Variants in RAB3C observed in about 807,000 individuals in gnomAD.
The protein encoded by RAB3C is ras-related protein Rab-3C.
Under a neutral mutation model 26.4 loss-of-function variants are expected in RAB3C, and 17 were observed. That is an observed-to-expected ratio of 0.64 (90% CI 0.44 to 0.97). The LOEUF (loss-of-function observed/expected upper bound fraction) is 0.97. Ranked by LOEUF, RAB3C falls within the 50% of genes least tolerant of loss-of-function variation. The pLI is 0.00. For synonymous variants in RAB3C, 91 were observed against 95.9 expected (o/e 0.95, Z 0.30); for missense variants, 242 against 281.9 (o/e 0.86, Z 1.01).
intron 1 of RAB3C, among the ~76,000 whole-genome samples, chr5:58,613,585 TA>T (rs1561266888): frequency 6.6e-6 from 1 of 152,006 alleles, no homozygotes; most frequent in South Asian, 2.1e-4. Context: ...GACACTTTCA[TA>T]AAAAAATAAG....
At chr5:58,843,621 G>C (rs993265558) in intron 4 of RAB3C, among the ~76,000 whole-genome samples, 2 of 152,176 alleles carry the variant, frequency 1.3e-5, no homozygotes, top group African/African-American at 4.8e-5. Context: ...TCTTAGTTCA[G>C]GTGTTGAAGT....
intron 2 of RAB3C, among the ~76,000 whole-genome samples, chr5:58,639,180 C>T (rs1238788944): frequency 1.3e-5 from 2 of 152,190 alleles, no homozygotes; most frequent in Non-Finnish European, 2.9e-5. Flanking sequence ...CTGAAACACC[C>T]TTGCTCATTG....
chr5:58,627,534 G>A (rs1054669700), intron 2 of RAB3C, among the ~76,000 whole-genome samples: 1 of 138,894 alleles, frequency 7.2e-6, no homozygotes, highest in Non-Finnish European at 1.6e-5. Flanking sequence ...GCTTAAATTC[G>A]GTGCAAATTA....
chr5:58,689,281 C>T (rs1007867560), intron 2 of RAB3C: 1 of 152,020 alleles, frequency 6.6e-6, no homozygotes, highest in Non-Finnish European at 1.5e-5. Flanking sequence ...ACAACTTATC[C>T]TGCTCCCTGG....
chr5:58,692,129 A>G (rs909240633), intron 2 of RAB3C, among the ~76,000 whole-genome samples: 2 of 152,240 alleles, frequency 1.3e-5, no homozygotes, highest in African/African-American at 2.4e-5. Flanking sequence ...GAAAGTATGT[A>G]TAGTCACAGC....
At chr5:58,630,419 ATATT>A (rs1465722246) in intron 2 of RAB3C, among the ~76,000 whole-genome samples, 1 of 152,214 alleles carries the variant, frequency 6.6e-6, no homozygotes, top group African/African-American at 2.4e-5. Flanking sequence ...AAAATTAAAA[ATATT>A]TATTTTCATT....
intron 3 of RAB3C, among the ~76,000 whole-genome samples, chr5:58,773,783 T>G (rs1217219805): frequency 6.6e-6 from 1 of 151,988 alleles, no homozygotes; most frequent in Non-Finnish European, 1.5e-5. Context: ...CACTCCCTAG[T>G]CCCCCTACAA....
At chr5:58,730,106 G>A (rs1006069761) in intron 3 of RAB3C, among the ~76,000 whole-genome samples, 6 of 151,256 alleles carry the variant, frequency 4.0e-5, no homozygotes, top group Non-Finnish European at 5.9e-5. Context: ...GTGTATTGCC[G>A]CTATGGCACC....
intron 3 of RAB3C, among the ~76,000 whole-genome samples, chr5:58,729,298 T>G (rs1579883545): frequency 6.6e-6 from 1 of 152,004 alleles, no homozygotes; most frequent in South Asian, 2.1e-4. Flanking sequence ...TCTTAACCAT[T>G]TTTTCTGTAT....
intron 2 of RAB3C, among the ~76,000 whole-genome samples, chr5:58,633,899 G>A (rs1307759698): frequency 2.0e-5 from 3 of 151,960 alleles, no homozygotes; most frequent in Non-Finnish European, 2.9e-5. Context: ...TTGGGAGGCC[G>A]AGGTGGGCGG....
At chr5:58,829,556 C>T (rs1197617895) in intron 4 of RAB3C, among the ~76,000 whole-genome samples, 2 of 152,100 alleles carry the variant, frequency 1.3e-5, no homozygotes, top group African/African-American at 4.8e-5. Context: ...AAAATGTAGT[C>T]AGAGAACCAA....
chr5:58,776,642 A>C (rs753568364), intron 3 of RAB3C, among the ~76,000 whole-genome samples: 7 of 152,098 alleles, frequency 4.6e-5, no homozygotes, highest in African/African-American at 7.2e-5. Context: ...TATTGCTCAC[A>C]GTAGTAACCC....
At chr5:58,797,381 A>G (rs1274801695) in intron 3 of RAB3C, among the ~76,000 whole-genome samples, 1 of 132,388 alleles carries the variant, frequency 7.6e-6, no homozygotes, top group Non-Finnish European at 1.6e-5. Context: ...ATATATATAT[A>G]TATATATATA....
chr5:58,665,229 C>T (rs1384937435), intron 2 of RAB3C, among the ~76,000 whole-genome samples: 1 of 151,858 alleles, frequency 6.6e-6, no homozygotes, highest in Non-Finnish European at 1.5e-5. Context: ...CAAAAAAAAT[C>T]ATTATATATT....
intron 2 of RAB3C, among the ~76,000 whole-genome samples, chr5:58,693,330 ATATGTG>A (rs1414915710): frequency 2.7e-4 from 27 of 100,858 alleles, no homozygotes; most frequent in East Asian, 1.9e-3. Context: ...AATTATATAT[ATATGTG>A]TATATATATA....
intron 2 of RAB3C, among the ~76,000 whole-genome samples, chr5:58,721,537 G>A (rs1476735180): frequency 1.3e-5 from 2 of 151,600 alleles, no homozygotes; most frequent in Non-Finnish European, 2.9e-5. Context: ...TTACATTAGT[G>A]GCACTTGACA....
At chr5:58,615,246 T>C (rs1039659779) in intron 1 of RAB3C, among the ~76,000 whole-genome samples, 37 of 152,256 alleles carry the variant, frequency 2.4e-4, no homozygotes, top group Middle Eastern at 3.4e-3. Context: ...CTGTAACAGA[T>C]AGTAAGCTAT....
intron 2 of RAB3C, among the ~76,000 whole-genome samples, chr5:58,654,251 A>G (rs1747716715): frequency 6.6e-6 from 1 of 152,162 alleles, no homozygotes; most frequent in Non-Finnish European, 1.5e-5. Flanking sequence ...TGTGCAATGT[A>G]CCCAAGGGAA....
intron 4 of RAB3C, among the ~76,000 whole-genome samples, chr5:58,849,225 A>T (rs934872779): frequency 2.6e-5 from 4 of 152,218 alleles, no homozygotes; most frequent in African/African-American, 9.6e-5. Context: ...AGATGAAAAA[A>T]TTGAACTTGT....
Sources: gnomAD v4.1 joint callset for allele counts (sites outside exome capture counted in the v4.1 genomes callset) on GRCh38, gnomAD v4.1.1 for gene constraint, MANE v1.5 for transcripts, NCBI Gene and HGNC (gene_info 2026-07-23, HGNC 2026-07-21) for gene names.